PIEZO2: variants seen among roughly 807,000 people sequenced by gnomAD.
The protein encoded by PIEZO2 is piezo-type mechanosensitive ion channel component 2.
In PIEZO2, 172 loss-of-function variants were observed where a neutral mutation model predicts 337.3. The ratio of observed to expected loss-of-function variants is 0.51; its 90% CI spans 0.45 to 0.58. The LOEUF is 0.58. PIEZO2 is among the 20% of genes least tolerant of loss of function. The pLI, the probability that PIEZO2 is intolerant of heterozygous loss-of-function variation, is 0.00. For missense variants in PIEZO2, 3,028 were observed against 3,391.3 expected (o/e 0.89, Z 2.66); for synonymous variants, 1,251 against 1,228.5 (o/e 1.02, Z -0.38).
At chr18:11,022,320 A>C (rs192521518) in intron 2 of PIEZO2, among the ~76,000 whole-genome samples, 4 of 152,308 alleles carry the variant, frequency 2.6e-5, no homozygotes, top group African/African-American at 7.2e-5. Flanking sequence ...ACTCAAAATA[A>C]TTTACACTTG....
At chr18:10,967,111 A>G (rs2034041095) in intron 3 of PIEZO2, among the ~76,000 whole-genome samples, 2 of 142,614 alleles carry the variant, frequency 1.4e-5, no homozygotes, top group Non-Finnish European at 3.0e-5. Context: ...TCTGCCTCCC[A>G]GGTTCAAACA....
chr18:10,684,916 A>G (rs12969815), intron 49 of PIEZO2, among the ~76,000 whole-genome samples: 87,764 of 151,776 alleles, frequency 0.58, 25,850 homozygotes, highest in African/African-American at 0.67. Flanking sequence ...TACCCAGACC[A>G]GAGTGCGGTG....
At position 10,795,314 on chromosome 18, in the gene PIEZO2, A is replaced by ATATTTTATTT. The variant is rs1555648360; in HGVS notation, c.1528-322_1528-313dup. 5.4e-4 allele frequency among the ~76,000 whole-genome samples: 48 copies of ATATTTTATTT among 88,514 alleles called. 3 individuals carry two copies. Among genetic ancestry groups the ATATTTTATTT allele is most frequent in the African/African-American group, 1.3e-3 (34 of 25,238 alleles). The allele number at this position is 88,514 out of a possible 152,430, so 58.1% of individuals were successfully genotyped here. On this transcript the variant is annotated intron_variant, in intron 12 of 55. Coordinates refer to ENST00000674853, the MANE Select transcript of PIEZO2 (RefSeq NM_001378183.1). The surrounding 1 kb of genome is among the most constrained non-coding windows in gnomAD (Gnocchi z 4.4). The stretch of plus-strand genomic sequence containing the variant: ...GTTAAGTAGCAAAATGTGTATTCAA[A>ATATTTTATTT]TATTTTATTTTATTTTATTTTATTT...
intron 5 of PIEZO2, among the ~76,000 whole-genome samples, chr18:10,860,510 C>A: frequency 6.6e-6 from 1 of 152,140 alleles, no homozygotes; most frequent in East Asian, 1.9e-4. Flanking sequence ...CCAGAGCTAT[C>A]GCCAGGACAC....
In PIEZO2 at chr18:10,830,571, A is replaced by G. The variant is rs575881845; in HGVS notation, c.918-23297T>C. ...TTAAATCTAAGACCTCAAGCTATAA[A>G]ACTACTAAAAGAAAACATTGGGAAA... is the stretch of plus-strand genomic sequence containing the variant. On this transcript the variant is annotated intron_variant, in intron 7 of 55. Transcript: ENST00000674853. This position sits in a 1 kb window ranked among gnomAD's most constrained non-coding sequence, Gnocchi z 4.7. 6.6e-6 allele frequency among the ~76,000 whole-genome samples: 1 copy of G among 152,154 alleles called. No individual in the cohort carries two copies. The highest frequency in any genetic ancestry group is 2.4e-5 in the African/African-American group (1 of 41,486).
In PIEZO2 at chr18:11,143,750, C is replaced by G. The variant is rs2146294622; in HGVS notation, c.64+4775G>C. Among the ~76,000 whole-genome samples, 1 of 151,862 alleles carries G rather than the reference C, an allele frequency of 6.6e-6. No homozygotes were observed. The highest frequency in any genetic ancestry group is 2.4e-5 in the African/African-American group (1 of 41,452). ...CGTGAATCCCACATCCTCAGATCAG[C>G]CTTCTCCTGGCCCATGCTCTTACCT... is the stretch of plus-strand genomic sequence containing the variant. On this transcript the variant is annotated intron_variant, in intron 1 of 55. Coordinates refer to ENST00000674853, the MANE Select transcript of PIEZO2 (RefSeq NM_001378183.1). The surrounding 1 kb of genome is among the most constrained non-coding windows in gnomAD (Gnocchi z 4.9).
Position 11,148,541 on chromosome 18 carries a change from G to A in PIEZO2, c.48C>T (p.Pro16=), listed in dbSNP as rs1218676024. 5 of 1,537,092 alleles carry A rather than the reference G, an allele frequency of 3.3e-6. No homozygotes were observed. The highest frequency in any genetic ancestry group is 4.4e-6 in the Non-Finnish European group (5 of 1,146,904). Residue 16 remains proline (P), a synonymous_variant, in exon 1 of 56, where the codon CCC becomes CCT. Coordinates refer to ENST00000674853, the MANE Select transcript of PIEZO2 (RefSeq NM_001378183.1). This position sits in a 1 kb window ranked among gnomAD's most constrained non-coding sequence, Gnocchi z 5.2. ...VCGLIFRLLL[P]ICLAVACAFR... Reference sequence around the variant, plus strand: ...CAGACTCACCTACTGCCAGGCAGATGGGCAGCAGCAGCCTGAAGATGAGCC... The same window carrying A: ...CAGACTCACCTACTGCCAGGCAGATAGGCAGCAGCAGCCTGAAGATGAGCC...
At chr18:11,006,876 AT>A (rs1186859557) in intron 2 of PIEZO2, among the ~76,000 whole-genome samples, 1 of 152,088 alleles carries the variant, frequency 6.6e-6, no homozygotes, top group Non-Finnish European at 1.5e-5. Flanking sequence ...TTACCTATAT[AT>A]TTTTTATTTT....
Position 10,763,067 on chromosome 18 carries a change from G to A in PIEZO2, c.2978C>T (p.Ser993Phe), listed in dbSNP as rs1181090466. 2 of 1,537,230 alleles carry A rather than the reference G, an allele frequency of 1.3e-6. No individual in the cohort carries two copies. Among genetic ancestry groups the A allele is most frequent in the Admixed American group, 2.0e-5 (1 of 50,974 alleles). ...GGCGTACGGCAGAGCAAAAGCCCAA[G>A]AAATCAAAAATACATAGTTGAACAG... ...VSLFNYVFLI[S>F]WAFALPYAKL... Residue 993 changes from serine to phenylalanine, a missense_variant, in exon 22 of 56, where the codon TCT (serine) becomes TTT (phenylalanine). Ser to Phe is a radical substitution (Grantham distance 155, BLOSUM62 -2). Coordinates refer to ENST00000674853, the MANE Select transcript of PIEZO2 (RefSeq NM_001378183.1).
At chr18:10,683,573 G>T (rs930918387) in intron 49 of PIEZO2, among the ~76,000 whole-genome samples, 1 of 152,052 alleles carries the variant, frequency 6.6e-6, no homozygotes, top group Non-Finnish European at 1.5e-5. Flanking sequence ...TTTTCTTCCC[G>T]ATTTTCTATA....
intron 3 of PIEZO2, among the ~76,000 whole-genome samples, chr18:10,933,809 C>G (rs1429261589): frequency 1.3e-5 from 2 of 152,176 alleles, no homozygotes; most frequent in Non-Finnish European, 2.9e-5. Context: ...GGTGGATTCT[C>G]CCAAACTGTT....
Position 10,794,630 on chromosome 18 carries a change from T to C in PIEZO2, c.1758+142A>G. 1 of 696,054 alleles carries C rather than the reference T, an allele frequency of 1.4e-6. No homozygotes were observed. Among genetic ancestry groups the C allele is most frequent in the Non-Finnish European group, 2.3e-6 (1 of 428,808 alleles). The allele number at this position is 696,054 out of a possible 1,614,324, so 43.1% of individuals were successfully genotyped here. A position where few individuals can be genotyped will look rare whatever the true frequency, so the allele number is the denominator to read the frequency against. ...GAGGCCTCTAAGCACCGCAAACTGTTTCTTACAGTCTCATGTTTGTTCATT... is the reference window on the plus strand; with the variant it reads ...GAGGCCTCTAAGCACCGCAAACTGTCTCTTACAGTCTCATGTTTGTTCATT... On this transcript the variant is annotated intron_variant, in intron 13 of 55. Transcript: ENST00000674853. This position sits in a 1 kb window ranked among gnomAD's most constrained non-coding sequence, Gnocchi z 6.6.
rs955483714 is a variant in PIEZO2 at position 11,146,022 on chromosome 18, T to G, written c.64+2503A>C. On this transcript the variant is annotated intron_variant, in intron 1 of 55. Coordinates refer to ENST00000674853, the MANE Select transcript of PIEZO2 (RefSeq NM_001378183.1). The surrounding 1 kb of genome is among the most constrained non-coding windows in gnomAD (Gnocchi z 6.1). ...ACACACTCATACTCACACTCACACA[T>G]ACTCATAACACATGTGCACACTCAC... is the stretch of plus-strand genomic sequence containing the variant. Among the ~76,000 whole-genome samples, 1 of 152,070 alleles carries G rather than the reference T, an allele frequency of 6.6e-6. No homozygotes were observed. The highest frequency in any genetic ancestry group is 2.4e-5 in the African/African-American group (1 of 41,402).
intron 3 of PIEZO2, among the ~76,000 whole-genome samples, chr18:10,944,922 T>G (rs949549560): frequency 6.6e-6 from 1 of 152,150 alleles, no homozygotes; most frequent in African/African-American, 2.4e-5. Context: ...TGCTACCAGA[T>G]TCTTGCCGTG....
chr18:10,684,235 G>A lies in PIEZO2; in HGVS notation c.7498-1943C>T, dbSNP rs1192274429. 5.2e-5 allele frequency among the ~76,000 whole-genome samples: 6 copies of A among 114,768 alleles called. No homozygotes were observed. The South Asian group carries it at 1.6e-3, about 31-fold the overall frequency. 75.3% of individuals were successfully genotyped at this position (114,768 alleles called of 152,430 possible). On this transcript the variant is annotated intron_variant, in intron 49 of 55. Transcript: ENST00000674853. ...GGCTGGAGTGCAGTGGCGCGATCTTGGCTCACTGCAAGCTCCACCTCCTGG... is the reference window on the plus strand; with the variant it reads ...GGCTGGAGTGCAGTGGCGCGATCTTAGCTCACTGCAAGCTCCACCTCCTGG...
chr18:10,684,056 CCCTCCCTT>C (rs1323486397), intron 49 of PIEZO2, among the ~76,000 whole-genome samples: 1 of 146,916 alleles, frequency 6.8e-6, no homozygotes, highest in East Asian at 2.0e-4. Flanking sequence ...TACCCTCCCT[CCCTCCCTT>C]CCTTCCTTCC....
chr18:10,740,315 A>T (rs2037167970), intron 33 of PIEZO2: 1 of 152,314 alleles, frequency 6.6e-6, no homozygotes, highest in African/African-American at 2.4e-5. Context: ...GGCTATCAGG[A>T]TCTGCTTTTA....
chr18:10,671,785 A>T lies in PIEZO2; in HGVS notation c.8346-6T>A. On this transcript the variant is annotated splice_polypyrimidine_tract_variant and splice_region_variant and intron_variant, in intron 55 of 55. Coordinates refer to ENST00000674853, the MANE Select transcript of PIEZO2 (RefSeq NM_001378183.1). ...AAGCATATAATCCCATAATACTGAAAAAAACAGTAAGTAGAAATTGCATAC... is the reference window on the plus strand; with the variant it reads ...AAGCATATAATCCCATAATACTGAATAAAACAGTAAGTAGAAATTGCATAC... The T allele has an allele frequency of 6.3e-7, 1 of 1,596,716 alleles. No individual in the cohort carries two copies. Among genetic ancestry groups the T allele is most frequent in the Non-Finnish European group, 8.5e-7 (1 of 1,170,988 alleles).
At chr18:10,721,647 C>A (rs2036315502) in intron 36 of PIEZO2, among the ~76,000 whole-genome samples, 1 of 151,918 alleles carries the variant, frequency 6.6e-6, no homozygotes, top group Non-Finnish European at 1.5e-5. Flanking sequence ...TTACTAGACT[C>A]AACAGTATGT....
Sources: allele counts gnomAD v4.1 joint callset (sites outside exome capture counted in the v4.1 genomes callset), GRCh38; gene constraint gnomAD v4.1.1; non-coding constraint Gnocchi (gnomAD v3.1); transcripts MANE v1.5; gene names NCBI Gene and HGNC (gene_info 2026-07-23, HGNC 2026-07-21).